The following TBC1D15 variants were observed in gnomAD, a reference collection of about 807,000 sequenced individuals.
TBC1D15 encodes TBC1 domain family member 15.
In TBC1D15, 39 loss-of-function variants were observed where a neutral mutation model predicts 95.4. The observed-to-expected ratio is 0.41, with a 90% CI of 0.32 to 0.53. The LOEUF is 0.53. Among genes scored for constraint, TBC1D15 ranks in the 20% least tolerant of loss-of-function variants. The pLI is 0.29. For missense variants in TBC1D15, 733 were observed against 794.3 expected, an observed-to-expected ratio of 0.92 and a Z score of 0.93; for synonymous variants, 258 against 261.3, an observed-to-expected ratio of 0.99 and a Z score of 0.12.
chr12:71,886,753 G>T (rs1480437949), intron 5 of TBC1D15, among the ~76,000 whole-genome samples: 4 of 152,182 alleles, frequency 2.6e-5, no homozygotes, highest in African/African-American at 9.7e-5. Context: ...GAGAACCTGT[G>T]ATAGGTTACC....
At chr12:71,896,909 T>A in intron 9 of TBC1D15, 129 bp downstream of exon 9, 1 of 597,608 alleles carries the variant, frequency 1.7e-6, no homozygotes, top group Non-Finnish European at 2.8e-6. Flanking sequence ...TTTTTATGTT[T>A]TAACTTAAAA....
intron 1 of TBC1D15, among the ~76,000 whole-genome samples, chr12:71,844,305 A>C (rs1258678045): frequency 1.3e-5 from 2 of 152,206 alleles, no homozygotes; most frequent in Non-Finnish European, 2.9e-5. Flanking sequence ...ATTCTTTAGC[A>C]TGGCTTATGC....
intron 5 of TBC1D15, among the ~76,000 whole-genome samples, chr12:71,892,096 C>G (rs933209334): frequency 3.9e-5 from 6 of 152,016 alleles, no homozygotes; most frequent in African/African-American, 1.4e-4. Flanking sequence ...GTAAGTCTGC[C>G]TATTAATTAT....
At chr12:71,868,406 C>A (rs1430724438) in intron 1 of TBC1D15, among the ~76,000 whole-genome samples, 1 of 151,994 alleles carries the variant, frequency 6.6e-6, no homozygotes, top group Admixed American at 6.5e-5. Flanking sequence ...CCACCATGCC[C>A]GGATAATTTT....
chr12:71,905,702 G>C (rs1900522897), intron 10 of TBC1D15, among the ~76,000 whole-genome samples: 1 of 152,064 alleles, frequency 6.6e-6, no homozygotes, highest in Non-Finnish European at 1.5e-5. Context: ...TTTGAGAACT[G>C]TATCCACAAT....
intron 1 of TBC1D15, among the ~76,000 whole-genome samples, chr12:71,845,295 T>C (rs1382750275): frequency 6.6e-6 from 1 of 152,170 alleles, no homozygotes; most frequent in Non-Finnish European, 1.5e-5. Context: ...GGTTATACAT[T>C]ATGCACCTTA....
chr12:71,907,111 A>G lies in TBC1D15; in HGVS notation c.1273A>G (p.Thr425Ala). Reference protein sequence around the residue: ...GLILLHDILMTYCMYDFDLGY... With the variant: ...GLILLHDILMAYCMYDFDLGY... The stretch of plus-strand genomic sequence containing the variant: ...GATTTTACTTCATGACATTTTGATG[A>G]CCTACTGTATGTATGATTTTGATTT... Residue 425 changes from threonine (T) to alanine (A), a missense_variant, in exon 11 of 17, where the codon ACC (threonine) becomes GCC (alanine). Thr to Ala is a moderately conservative substitution (Grantham distance 58). Transcript: ENST00000485960. The G allele has an allele frequency of 6.2e-7, 1 of 1,606,830 alleles. No homozygotes were observed. The highest frequency in any genetic ancestry group is 8.5e-7 in the Non-Finnish European group (1 of 1,175,568).
chr12:71,884,128 T>G (rs750218929), intron 4 of TBC1D15, among the ~76,000 whole-genome samples: 7 of 152,198 alleles, frequency 4.6e-5, no homozygotes, highest in Non-Finnish European at 1.0e-4. Context: ...TGCTATACTT[T>G]GTTTTTCTGC....
At position 71,920,752 on chromosome 12, in the gene TBC1D15, T is replaced by G. The variant is rs772005912; in HGVS notation, c.1621T>G (p.Cys541Gly). 1.9e-6 allele frequency: 3 copies of G among 1,612,640 alleles called. No homozygotes were observed. In the East Asian group the frequency reaches 6.7e-5, roughly 36 times the overall value. Residue 541 changes from cysteine (C) to glycine (G), a missense_variant, in exon 15 of 17, where the codon TGT (cysteine) becomes GGT (glycine). Cys to Gly is a radical substitution (Grantham distance 159). Coordinates refer to ENST00000485960, the MANE Select transcript of TBC1D15 (RefSeq NM_001146213.3). ...ATAGGTAATGTGGACCGAACTACCA[T>G]GTACAAATTTCCATCTTCTTCTCTG... ...LWEVMWTELP[C>G]TNFHLLLCCA... is the part of the protein sequence containing the mutation.
intron 1 of TBC1D15, among the ~76,000 whole-genome samples, chr12:71,868,055 C>T (rs1018102660): frequency 6.6e-6 from 1 of 151,988 alleles, no homozygotes; most frequent in Non-Finnish European, 1.5e-5. Context: ...TTTGCCATTT[C>T]TGACAGAAGT....
intron 14 of TBC1D15, 82 bp downstream of exon 14, chr12:71,918,630 A>G (rs2139084724): frequency 1.1e-6 from 1 of 885,118 alleles, no homozygotes; most frequent in Non-Finnish European, 1.7e-6. Context: ...ATGAATTATG[A>G]TAGCCTTACT....
At chr12:71,893,347 G>A (rs368850967) in intron 6 of TBC1D15, 23 bp downstream of exon 6, 8 of 1,542,804 alleles carry the variant, frequency 5.2e-6, no homozygotes, top group Non-Finnish European at 7.1e-6. Context: ...AATCTATCCT[G>A]TATTATTCTG....
At chr12:71,878,923 C>G (rs1894556319) in intron 3 of TBC1D15, among the ~76,000 whole-genome samples, 2 of 151,732 alleles carry the variant, frequency 1.3e-5, no homozygotes, top group African/African-American at 4.8e-5. Flanking sequence ...GTTCAGTTTC[C>G]CTACTGTTTT....
intron 1 of TBC1D15, among the ~76,000 whole-genome samples, 159 bp from the exon 2 acceptor site, chr12:71,871,911 G>C (rs1892785324): frequency 1.3e-5 from 2 of 152,146 alleles, no homozygotes; most frequent in Admixed American, 6.5e-5. Flanking sequence ...TGATTGAAGT[G>C]CTGTTAACTC....
chr12:71,888,930 A>G (rs760211656), intron 5 of TBC1D15, among the ~76,000 whole-genome samples: 1 of 151,862 alleles, frequency 6.6e-6, no homozygotes, highest in Non-Finnish European at 1.5e-5. Context: ...TTTTCTGGAA[A>G]GAAAGCAGTA....
intron 1 of TBC1D15, chr12:71,849,635 A>G: frequency 1.7e-6 from 1 of 585,184 alleles, no homozygotes; most frequent in East Asian, 3.7e-5. Flanking sequence ...CATTGGAGAC[A>G]TCGTCAGCTA....
At chr12:71,854,412 T>G (rs1398711781) in intron 1 of TBC1D15, among the ~76,000 whole-genome samples, 1 of 152,210 alleles carries the variant, frequency 6.6e-6, no homozygotes, top group African/African-American at 2.4e-5. Context: ...TACATCTTTT[T>G]TCCCCTTCAA....
chr12:71,922,274 G>A (rs192002749), intron 16 of TBC1D15, among the ~76,000 whole-genome samples: 71 of 152,220 alleles, frequency 4.7e-4, no homozygotes, highest in African/African-American at 1.3e-3. Flanking sequence ...TAGTAGAGAC[G>A]AGGTTTCACC....
At chr12:71,885,815 A>C (rs1292655271) in intron 5 of TBC1D15, among the ~76,000 whole-genome samples, 1 of 152,176 alleles carries the variant, frequency 6.6e-6, no homozygotes, top group South Asian at 2.1e-4. Context: ...AGTGACCACT[A>C]TAAGGAACGG....
Sources: allele counts gnomAD v4.1 joint callset (sites outside exome capture counted in the v4.1 genomes callset), GRCh38; gene constraint gnomAD v4.1.1; transcripts MANE v1.5; gene names NCBI Gene and HGNC (gene_info 2026-07-23, HGNC 2026-07-21).